ANKRD36C: variants seen among roughly 807,000 people sequenced by gnomAD.
The protein encoded by ANKRD36C is ankyrin repeat domain 36C.
A neutral mutation model predicts 276.4 loss-of-function variants in ANKRD36C; 61 were observed. The observed-to-expected ratio is 0.22, with a 90% confidence interval of 0.18 to 0.27. The LOEUF (loss-of-function observed/expected upper bound fraction) is 0.27, where lower values mean the gene tolerates loss of function less well. Among genes scored for constraint, ANKRD36C ranks in the 10% least tolerant of loss-of-function variants. The probability of loss-of-function intolerance (pLI) is 1.00; values close to 1 mark genes in which losing one functional copy is unlikely to be tolerated. For missense variants in ANKRD36C, 1,447 were observed against 2,032.3 expected (o/e 0.71, Z 5.54); for synonymous variants, 483 against 680.1 (o/e 0.71, Z 4.51).
chr2:95,894,862 T>C (rs1676490543), intron 44 of ANKRD36C, among the ~76,000 whole-genome samples: 1 of 151,220 alleles, frequency 6.6e-6, no homozygotes, highest in South Asian at 2.1e-4. Flanking sequence ...TGATCTGAAG[T>C]GAGTTCACTC....
intron 60 of ANKRD36C, among the ~76,000 whole-genome samples, chr2:95,860,943 A>C (rs902691249): frequency 1.3e-5 from 2 of 152,208 alleles, no homozygotes; most frequent in African/African-American, 4.8e-5. Flanking sequence ...AATGAAAAAT[A>C]AAATTTAAAA....
intron 6 of ANKRD36C, among the ~76,000 whole-genome samples, chr2:95,967,151 T>G (rs1678608480): frequency 6.6e-6 from 1 of 152,186 alleles, no homozygotes; most frequent in African/African-American, 2.4e-5. Flanking sequence ...TTTATTTCTT[T>G]CTCTTGCCTG....
At chr2:95,921,253 G>A (rs1677259759) in intron 34 of ANKRD36C, among the ~76,000 whole-genome samples, 1 of 150,524 alleles carries the variant, frequency 6.6e-6, no homozygotes, top group Non-Finnish European at 1.5e-5. Flanking sequence ...TGTGATGTCT[G>A]TAAAATCTAT....
At chr2:95,859,534 T>C (rs1480067064) in intron 61 of ANKRD36C, among the ~76,000 whole-genome samples, 1 of 152,186 alleles carries the variant, frequency 6.6e-6, no homozygotes, top group Non-Finnish European at 1.5e-5. Context: ...AAACTATGTG[T>C]ATATAAAAGA....
chr2:95,874,205 G>A (rs1473531449), intron 59 of ANKRD36C, among the ~76,000 whole-genome samples: 1 of 152,150 alleles, frequency 6.6e-6, no homozygotes, highest in African/African-American at 2.4e-5. Flanking sequence ...AACCAAAAAA[G>A]AGCCCGCATC....
intron 24 of ANKRD36C, among the ~76,000 whole-genome samples, chr2:95,930,801 C>T (rs1340254384): frequency 6.6e-6 from 1 of 150,528 alleles, no homozygotes; most frequent in African/African-American, 2.5e-5. Context: ...AAAATAACTA[C>T]CTCAGCAAAC....
At chr2:95,865,700 T>C (rs1303251463) in intron 60 of ANKRD36C, among the ~76,000 whole-genome samples, 1 of 152,132 alleles carries the variant, frequency 6.6e-6, no homozygotes, top group Non-Finnish European at 1.5e-5. Flanking sequence ...TTTGTATACA[T>C]GAGGTCGGAT....
In ANKRD36C at chr2:95,910,524, A is replaced by G; in HGVS notation, c.2653+1720T>C. The G allele has an allele frequency of 6.2e-7, 1 of 1,606,592 alleles. No individual in the cohort carries two copies. Among genetic ancestry groups the G allele is most frequent in the Non-Finnish European group, 8.5e-7 (1 of 1,176,674 alleles). ...ATACATTAACTCGTTCACAATATAA[A>G]TGAGAGTTTCATTACCTTCAAGGCT... On this transcript the variant is annotated intron_variant, in intron 42 of 66. Transcript: ENST00000456556.
rs1416438555 is a variant in ANKRD36C, at chr2:95,962,589, T to C, written c.800-42A>G. On this transcript the variant is annotated intron_variant, in intron 6 of 66. Coordinates refer to ENST00000456556, the Ensembl canonical transcript of ANKRD36C. ...ATACATCATCAATCATAGGTAAATA[T>C]GATACAATTATCCATACATTCATGC... The C allele has an allele frequency of 3.1e-6, 5 of 1,594,540 alleles. No homozygotes were observed. The Admixed American group carries it at 8.4e-5, about 27-fold the overall frequency.
chr2:95,917,021 T>G (rs1009097847), intron 36 of ANKRD36C, among the ~76,000 whole-genome samples: 2 of 151,632 alleles, frequency 1.3e-5, no homozygotes, highest in African/African-American at 4.8e-5. Flanking sequence ...TAAAATAGCC[T>G]TGTTGGGAGT....
At chr2:95,883,884 G>A (rs184201518) in intron 54 of ANKRD36C, among the ~76,000 whole-genome samples, 58 of 152,090 alleles carry the variant, frequency 3.8e-4, no homozygotes, top group Non-Finnish European at 7.5e-4. Flanking sequence ...AAAACATGCT[G>A]TAGAATTAAA....
intron 36 of ANKRD36C, 95 bp from the exon 39 acceptor site, chr2:95,916,266 G>A: frequency 6.4e-7 from 1 of 1,565,270 alleles, no homozygotes; most frequent in Non-Finnish European, 8.6e-7. Context: ...CTGAACTCCT[G>A]CCTGTATTAG....
rs1676548351 is a variant in ANKRD36C at position 95,896,291 on chromosome 2, A to T, written c.2755+2854T>A. ...TATTAGCCTCAATAAAAATATCATC[A>T]ATTGTCAACTTTGACATACTTCTAC... On this transcript the variant is annotated intron_variant, in intron 44 of 66. Transcript: ENST00000456556. Among the ~76,000 whole-genome samples the T allele has an allele frequency of 1.3e-5, 2 of 149,774 alleles. 1 individual carries two copies. The highest frequency in any genetic ancestry group is 4.9e-5 in the African/African-American group (2 of 40,716).
At chr2:95,891,159 C>G (rs923351489) in intron 46 of ANKRD36C, among the ~76,000 whole-genome samples, 1 of 151,342 alleles carries the variant, frequency 6.6e-6, no homozygotes, top group African/African-American at 2.4e-5. Flanking sequence ...GCAGAAACCC[C>G]AAAATTATAT....
intron 42 of ANKRD36C, 96 bp downstream of exon 54, chr2:95,902,790 G>C: frequency 7.4e-7 from 1 of 1,358,824 alleles, no homozygotes; most frequent in Non-Finnish European, 1.0e-6. Context: ...GAATCAGAAT[G>C]TGCAGCTTCA....
intron 44 of ANKRD36C, chr2:95,894,174 G>C: frequency 4.7e-6 from 1 of 211,684 alleles, no homozygotes; most frequent in South Asian, 7.8e-5. Context: ...CAATAACTGA[G>C]AAGGCACACA....
chr2:95,936,061 CCA>C (rs1442247316), intron 22 of ANKRD36C, among the ~76,000 whole-genome samples: 2 of 152,308 alleles, frequency 1.3e-5, no homozygotes, highest in South Asian at 2.1e-4. Context: ...CTCATGTTGT[CCA>C]CAGTCATGCA....
At chr2:95,920,388 T>C (rs1291516254) in intron 34 of ANKRD36C, among the ~76,000 whole-genome samples, 1 of 132,432 alleles carries the variant, frequency 7.6e-6, no homozygotes, top group Non-Finnish European at 1.7e-5. Flanking sequence ...ACAGTTACCA[T>C]GGCACTTCAG....
At chr2:95,864,057 A>C (rs1282419492) in intron 60 of ANKRD36C, among the ~76,000 whole-genome samples, 1 of 151,988 alleles carries the variant, frequency 6.6e-6, no homozygotes, top group Admixed American at 6.6e-5. Flanking sequence ...AAGGAGGCTA[A>C]ACATGTATTG....
Sources: gnomAD v4.1 joint callset for allele counts (sites outside exome capture counted in the v4.1 genomes callset) on GRCh38, gnomAD v4.1.1 for gene constraint, MANE v1.5 for transcripts, NCBI Gene and HGNC (gene_info 2026-07-23, HGNC 2026-07-21) for gene names.